Variants in CEP250 observed in about 807,000 individuals in gnomAD.
CEP250 encodes centrosomal protein 250.
In CEP250, 242 loss-of-function variants were observed where a neutral mutation model predicts 315.7. That is an observed-to-expected ratio of 0.77 (90% confidence interval 0.69 to 0.85). The LOEUF (loss-of-function observed/expected upper bound fraction) is 0.85. Ranked by LOEUF, CEP250 falls within the 40% of genes least tolerant of loss-of-function variation. The probability of loss-of-function intolerance (pLI) is 0.00; values close to 1 mark genes in which losing one functional copy is unlikely to be tolerated. For missense variants in CEP250, 2,515 were observed against 2,886.4 expected, an observed-to-expected ratio of 0.87 and a Z score of 2.95; for synonymous variants, 1,088 against 1,175.0, an observed-to-expected ratio of 0.93 and a Z score of 1.51.
intron 28 of CEP250, 102 bp from the exon 29 acceptor site, chr20:35,501,743 T>G: frequency 1.5e-6 from 2 of 1,341,068 alleles, no homozygotes; most frequent in Non-Finnish European, 2.0e-6. Flanking sequence ...CTTCCTTCCC[T>G]TTGAATCTGT....
rs549344878 is a variant in CEP250, at chr20:35,518,584, G to T, written c.*6958G>T. ...CCGCCAGTTTTCCCTTTCTCTTTGA[G>T]TATCATTATGAGCTCAAAGTTTTTT... is the stretch of plus-strand genomic sequence containing the variant. On this transcript the variant is annotated 3_prime_UTR_variant, in exon 35 of 35. Coordinates refer to ENST00000397527, the MANE Select transcript of CEP250 (RefSeq NM_007186.6). 7 of 152,254 alleles carry T rather than the reference G, an allele frequency of 4.6e-5. No individual in the cohort carries two copies. Among genetic ancestry groups the T allele is most frequent in the African/African-American group, 1.7e-4 (7 of 41,534 alleles). The allele number at this position is 152,254 out of a possible 1,614,324, so 9.4% of individuals were successfully genotyped here.
chr20:35,511,292 A>T (rs1021496480), intron 34 of CEP250, 71 bp from the exon 35 acceptor site: 41 of 1,324,892 alleles, frequency 3.1e-5, no homozygotes, highest in Non-Finnish European at 3.9e-5. Flanking sequence ...GAGAACACAG[A>T]GCAGGAAGAG....
chr20:35,457,296 CATA>C (rs1386462662), intron 1 of CEP250, among the ~76,000 whole-genome samples: 4 of 152,096 alleles, frequency 2.6e-5, no homozygotes, highest in Non-Finnish European at 5.9e-5. Context: ...AAGTATATTA[CATA>C]ATAATTAGAT....
At chr20:35,492,918 G>A (rs941791219) in intron 22 of CEP250, among the ~76,000 whole-genome samples, 3 of 152,044 alleles carry the variant, frequency 2.0e-5, no homozygotes, top group African/African-American at 7.2e-5. Flanking sequence ...AGTGGAGAAA[G>A]GGTTTCACCA....
At position 35,496,604 on chromosome 20, in the gene CEP250, A is replaced by G; in HGVS notation, c.3195A>G (p.Glu1065=). The G allele has an allele frequency of 6.2e-7, 1 of 1,614,126 alleles. No homozygotes were observed. The highest frequency in any genetic ancestry group is 8.5e-7 in the Non-Finnish European group (1 of 1,180,006). ...ASLTLSLMEK[E]QRLLVLQEAD... ...TGACTCTCTCACTGATGGAAAAGGA[A>G]CAGAGACTCCTTGTTTTACAAGAAG... is the stretch of plus-strand genomic sequence containing the variant. Residue 1065 remains glutamate, a synonymous_variant, in exon 25 of 35, where the codon GAA becomes GAG. Transcript: ENST00000397527.
Position 35,503,962 on chromosome 20 carries a change from A to C in CEP250, c.5593A>C (p.Lys1865Gln), listed in dbSNP as rs758393112. ...GCGTCATGGAGAGCTTCAGGACCAC[A>C]AGGAACAGGCACGAAGGCTGGAGGA... ...KERHGELQDH[K>Q]EQARRLEEEL... Residue 1865 changes from lysine (K) to glutamine (Q), a missense_variant, in exon 30 of 35, where the codon AAG becomes CAG. Coordinates refer to ENST00000397527, the MANE Select transcript of CEP250 (RefSeq NM_007186.6). The surrounding 1 kb of genome is among the most constrained non-coding windows in gnomAD (Gnocchi z 4.2). 7 of 1,612,716 alleles carry C rather than the reference A, an allele frequency of 4.3e-6. No individual in the cohort carries two copies. Among genetic ancestry groups the C allele is most frequent in the East Asian group, 4.5e-5 (2 of 44,858 alleles).
chr20:35,509,151 A>G (rs775834619), intron 33 of CEP250, 107 bp downstream of exon 33: 22 of 861,838 alleles, frequency 2.6e-5, no homozygotes, highest in Middle Eastern at 2.2e-4. Flanking sequence ...CAGCTAGTCC[A>G]GAGAGCCCCT....
At chr20:35,491,055 T>A in intron 21 of CEP250, 157 bp from the exon 22 acceptor site, 1 of 932,610 alleles carries the variant, frequency 1.1e-6, no homozygotes, top group Admixed American at 2.9e-5. Flanking sequence ...ATCTTTGCAC[T>A]TCCTTGTTCT....
In CEP250 at chr20:35,502,688, T is replaced by C. The variant is rs1184138159; in HGVS notation, c.4319T>C (p.Leu1440Pro). The change falls in exon 30 of 35, where the codon CTG (leucine) becomes CCG (proline). Residue 1440 changes from leucine to proline, a missense_variant. Transcript: ENST00000397527. ...LAEREEEVETLRGQIQELEKQ... is the reference protein window; with the variant it reads ...LAEREEEVETPRGQIQELEKQ... ...GAAAGAGAAGAGGAGGTGGAGACTC[T>C]GCGGGGACAAATCCAGGAACTGGAG... is the stretch of plus-strand genomic sequence containing the variant. 6.2e-7 allele frequency: 1 copy of C among 1,614,216 alleles called. No homozygotes were observed. Among genetic ancestry groups the C allele is most frequent in the Non-Finnish European group, 8.5e-7 (1 of 1,180,036 alleles).
At chr20:35,470,795 G>C (rs1200060017) in intron 10 of CEP250, among the ~76,000 whole-genome samples, 1 of 152,086 alleles carries the variant, frequency 6.6e-6, no homozygotes, top group Non-Finnish European at 1.5e-5. Flanking sequence ...TGTTTTCCAG[G>C]GCAAAACCAA....
At chr20:35,475,316 G>C (rs545495501) in intron 14 of CEP250, among the ~76,000 whole-genome samples, 186 bp from the exon 15 acceptor site, 7 of 152,308 alleles carry the variant, frequency 4.6e-5, no homozygotes, top group Admixed American at 3.9e-4. Flanking sequence ...AAAAGGTAGT[G>C]TATCATGTAT....
chr20:35,510,130 G>C, intron 34 of CEP250, 76 bp downstream of exon 34: 1 of 1,382,768 alleles, frequency 7.2e-7, no homozygotes, highest in Non-Finnish European at 1.0e-6. Flanking sequence ...CAGGGAGAGG[G>C]GAAGTTCCTC....
In CEP250 at chr20:35,472,826, G is replaced by T. The variant is rs1281605508; in HGVS notation, c.1204G>T (p.Val402Leu). Residue 402 changes from valine (V) to leucine (L), a missense_variant, in exon 12 of 35, where the codon GTG (valine) becomes TTG (leucine). Val to Leu is a conservative substitution (Grantham distance 32, BLOSUM62 1). Coordinates refer to ENST00000397527, the MANE Select transcript of CEP250 (RefSeq NM_007186.6). The stretch of plus-strand genomic sequence containing the variant: ...AGTGCTGACTCGGAGACGCCAGGCT[G>T]TGCAGGTAGGAACCCTCAGCATTCC... Reference protein sequence around the residue: ...RSVLTRRRQAVQDLRQQLAGC... With the variant: ...RSVLTRRRQALQDLRQQLAGC... 1.2e-6 allele frequency: 2 copies of T among 1,614,082 alleles called. No individual in the cohort carries two copies. Among genetic ancestry groups the T allele is most frequent in the Non-Finnish European group, 1.7e-6 (2 of 1,180,024 alleles).
chr20:35,467,369 G>A lies in CEP250; in HGVS notation c.665G>A (p.Arg222His), dbSNP rs78174774. Residue 222 changes from arginine to histidine, a missense_variant, in exon 9 of 35, where the codon CGC (arginine) becomes CAC (histidine). Transcript: ENST00000397527. ...GGGTCTCTGTTGACCTGTTGTCTGC[G>A]CTTGACTGTGGGAGCACAGTCTCGG... ...LSGSLLTCCL[R>H]LTVGAQSREP... 1,558 of 1,614,128 alleles carry A rather than the reference G, an allele frequency of 9.7e-4. 29 individuals are homozygous for A. In the East Asian group the frequency reaches 0.03, roughly 31 times the overall value.
At chr20:35,479,838 T>C in intron 19 of CEP250, 65 bp downstream of exon 19, 2 of 1,610,480 alleles carry the variant, frequency 1.2e-6, no homozygotes, top group Non-Finnish European at 1.7e-6. Flanking sequence ...AGGAAGATGG[T>C]GGGAGACTAT....
intron 1 of CEP250, among the ~76,000 whole-genome samples, chr20:35,456,533 C>G (rs1041935430): frequency 1.3e-5 from 2 of 152,154 alleles, no homozygotes; most frequent in Admixed American, 6.5e-5. Flanking sequence ...ACTGGTACGC[C>G]CTCTGTTCCT....
rs951168763 is a variant in CEP250, at chr20:35,513,477, C to G, written c.*1851C>G. ...TTCTCCATGTTGATCAGGCTGGTCTCGAACTCCCGACCTCAGGTGATCCAC... is the reference window on the plus strand; with the variant it reads ...TTCTCCATGTTGATCAGGCTGGTCTGGAACTCCCGACCTCAGGTGATCCAC... On this transcript the variant is annotated 3_prime_UTR_variant, in exon 35 of 35. Coordinates refer to ENST00000397527, the MANE Select transcript of CEP250 (RefSeq NM_007186.6). 1 of 152,126 alleles carries G rather than the reference C, an allele frequency of 6.6e-6. No individual in the cohort carries two copies. The highest frequency in any genetic ancestry group is 1.9e-4 in the East Asian group (1 of 5,184). 9.4% of individuals were successfully genotyped at this position (152,126 alleles called of 1,614,324 possible).
chr20:35,464,917 C>G (rs1043158589), intron 5 of CEP250, among the ~76,000 whole-genome samples: 2 of 151,628 alleles, frequency 1.3e-5, no homozygotes, highest in Non-Finnish European at 2.9e-5. Flanking sequence ...ACTAGACTGT[C>G]TCAAAAAGAA....
chr20:35,506,450 C>T (rs1398874151), intron 30 of CEP250, among the ~76,000 whole-genome samples: 1 of 152,168 alleles, frequency 6.6e-6, no homozygotes, highest in Non-Finnish European at 1.5e-5. Context: ...GAGCACAAGA[C>T]CTGCAGAGAG....
Sources: allele counts gnomAD v4.1 joint callset (sites outside exome capture counted in the v4.1 genomes callset), GRCh38; gene constraint gnomAD v4.1.1; non-coding constraint Gnocchi (gnomAD v3.1); transcripts MANE v1.5; gene names NCBI Gene and HGNC (gene_info 2026-07-23, HGNC 2026-07-21).